Variants in DPP10 observed in about 807,000 individuals in gnomAD.
DPP10 encodes the protein inactive dipeptidyl peptidase 10.
Under a neutral mutation model 120.9 loss-of-function variants are expected in DPP10, and 33 were observed. The ratio of observed to expected loss-of-function variants is 0.27; its 90% CI spans 0.21 to 0.37. The LOEUF is 0.37. Among genes scored for constraint, DPP10 ranks in the 10% least tolerant of loss-of-function variants. The probability of loss-of-function intolerance (pLI) is 1.00; values close to 1 mark genes in which losing one functional copy is unlikely to be tolerated. For missense variants in DPP10, 816 were observed against 942.8 expected (o/e 0.87, Z 1.76); for synonymous variants, 337 against 326.1 (o/e 1.03, Z -0.36).
chr2:115,737,468 C>T (rs780695284), intron 8 of DPP10, among the ~76,000 whole-genome samples: 8 of 152,002 alleles, frequency 5.3e-5, no homozygotes, highest in Non-Finnish European at 5.9e-5. Flanking sequence ...TCAGTACAAG[C>T]GACAATGATC....
Position 115,842,360 on chromosome 2 carries a change from A to G in DPP10, c.*15A>G, listed in dbSNP as rs1380392586. 3 of 1,610,822 alleles carry G rather than the reference A, an allele frequency of 1.9e-6. No homozygotes were observed. The highest frequency in any genetic ancestry group is 2.2e-5 in the East Asian group (1 of 44,832). ...AAGATGAATAATGGACTGTATTTATACAGAACTGAAGGGAATATTGAGGCT... is the reference window on the plus strand; with the variant it reads ...AAGATGAATAATGGACTGTATTTATGCAGAACTGAAGGGAATATTGAGGCT... On this transcript the variant is annotated 3_prime_UTR_variant, in exon 26 of 26. Transcript: ENST00000410059.
At chr2:115,680,975 A>T (rs1372481435) in intron 5 of DPP10, among the ~76,000 whole-genome samples, 2 of 151,940 alleles carry the variant, frequency 1.3e-5, no homozygotes, top group East Asian at 3.8e-4. Context: ...CATAAACTAC[A>T]GGTCTAAATG....
chr2:115,187,499 A>G (rs1240505646), intron 1 of DPP10, among the ~76,000 whole-genome samples: 10 of 152,196 alleles, frequency 6.6e-5, no homozygotes, highest in Non-Finnish European at 1.3e-4. Flanking sequence ...ACCAGCATAT[A>G]CATGGTCGTG....
intron 4 of DPP10, among the ~76,000 whole-genome samples, chr2:115,522,632 C>A (rs2077883445): frequency 6.6e-6 from 1 of 152,146 alleles, no homozygotes; most frequent in African/African-American, 2.4e-5. Context: ...TTGCCTTCAA[C>A]AGAATGTACA....
chr2:114,706,303 A>G (rs182399444), intron 1 of DPP10, among the ~76,000 whole-genome samples: 417 of 152,318 alleles, frequency 2.7e-3, no homozygotes, highest in African/African-American at 9.7e-3. Flanking sequence ...TTGTATTGGC[A>G]CCCAAGTTGC....
At chr2:115,604,224 C>CT (rs886854420) in intron 5 of DPP10, among the ~76,000 whole-genome samples, 3 of 151,896 alleles carry the variant, frequency 2.0e-5, no homozygotes, top group African/African-American at 7.3e-5. Flanking sequence ...ACAGTGGATT[C>CT]TTAGGGTTGT....
chr2:115,569,502 G>T (rs374812181), intron 5 of DPP10, among the ~76,000 whole-genome samples: 2 of 152,164 alleles, frequency 1.3e-5, no homozygotes, highest in East Asian at 3.8e-4. Context: ...AGAAGGACAA[G>T]AATTAATACA....
chr2:114,763,717 C>T (rs1381411603), intron 1 of DPP10, among the ~76,000 whole-genome samples: 2 of 152,096 alleles, frequency 1.3e-5, no homozygotes, highest in Non-Finnish European at 2.9e-5. Context: ...GCACATATCC[C>T]AGTAGCAATT....
chr2:114,886,967 G>A (rs755979244), intron 1 of DPP10, among the ~76,000 whole-genome samples: 2 of 152,132 alleles, frequency 1.3e-5, no homozygotes, highest in Non-Finnish European at 2.9e-5. Flanking sequence ...TCTGTCTCAT[G>A]TTCTCTCCAT....
intron 13 of DPP10, among the ~76,000 whole-genome samples, chr2:115,774,724 C>A (rs1325326067): frequency 6.6e-6 from 1 of 152,064 alleles, no homozygotes; most frequent in African/African-American, 2.4e-5. Context: ...AAATAGACTA[C>A]TTAGGGAGAT....
intron 3 of DPP10, among the ~76,000 whole-genome samples, chr2:115,456,901 T>C (rs2105026827): frequency 6.6e-6 from 1 of 152,154 alleles, no homozygotes; most frequent in Non-Finnish European, 1.5e-5. Context: ...CAAACCACCA[T>C]GGCACATCTA....
intron 19 of DPP10, among the ~76,000 whole-genome samples, chr2:115,805,677 C>A (rs1421223396): frequency 6.6e-6 from 1 of 151,438 alleles, no homozygotes; most frequent in African/African-American, 2.4e-5. Flanking sequence ...TGGGTTCAAG[C>A]TATTCTCCTG....
At chr2:114,749,548 CT>C (rs956344833) in intron 1 of DPP10, among the ~76,000 whole-genome samples, 1 of 125,580 alleles carries the variant, frequency 8.0e-6, no homozygotes. Flanking sequence ...TCTAGCACTG[CT>C]TTTATTTTAT....
chr2:115,636,090 T>C (rs4538204), intron 5 of DPP10, among the ~76,000 whole-genome samples: 5 of 150,916 alleles, frequency 3.3e-5, no homozygotes, highest in Non-Finnish European at 5.9e-5. Context: ...AATGGGAGAT[T>C]CACTACACCA....
chr2:114,905,212 T>G (rs1453517812), intron 1 of DPP10, among the ~76,000 whole-genome samples: 1 of 151,272 alleles, frequency 6.6e-6, no homozygotes, highest in Non-Finnish European at 1.5e-5. Flanking sequence ...CAATTTCTGC[T>G]AAAAACTACC....
At chr2:114,772,836 A>C (rs1031773924) in intron 1 of DPP10, among the ~76,000 whole-genome samples, 2 of 152,084 alleles carry the variant, frequency 1.3e-5, no homozygotes, top group Admixed American at 6.6e-5. Context: ...GATGGAGCTG[A>C]CTCAATGAGC....
intron 4 of DPP10, among the ~76,000 whole-genome samples, chr2:115,519,983 A>C (rs957652369): frequency 6.6e-6 from 1 of 152,304 alleles, no homozygotes; most frequent in East Asian, 1.9e-4. Flanking sequence ...AAAACTAATA[A>C]TGAGATTGAG....
At chr2:115,538,001 TAGGTAATCCA>T (rs2078962663) in intron 5 of DPP10, among the ~76,000 whole-genome samples, 1 of 151,964 alleles carries the variant, frequency 6.6e-6, no homozygotes. Flanking sequence ...TCCCCCAGTC[TAGGTAATCCA>T]AGGGAGCCAG....
intron 1 of DPP10, among the ~76,000 whole-genome samples, chr2:115,270,111 C>G (rs1285048529): frequency 7.3e-6 from 1 of 136,858 alleles, no homozygotes; most frequent in African/African-American, 3.0e-5. Flanking sequence ...CACACACACA[C>G]ACAGACACAC....
Sources: gnomAD v4.1 joint callset for allele counts (sites outside exome capture counted in the v4.1 genomes callset) on GRCh38, gnomAD v4.1.1 for gene constraint, MANE v1.5 for transcripts, NCBI Gene and HGNC (gene_info 2026-07-23, HGNC 2026-07-21) for gene names.